Variants in SLC4A10 observed in about 807,000 individuals in gnomAD.
SLC4A10 encodes solute carrier family 4 member 10.
A neutral mutation model predicts 137.7 loss-of-function variants in SLC4A10; 42 were observed. That is an observed-to-expected ratio of 0.30 (90% CI 0.24 to 0.39). SLC4A10 has a LOEUF of 0.39. Ranked by LOEUF, SLC4A10 falls within the 10% of genes least tolerant of loss-of-function variation. The pLI is 1.00. For synonymous variants in SLC4A10, 474 were observed against 464.1 expected (o/e 1.02, Z -0.27); for missense variants, 925 against 1,355.0 (o/e 0.68, Z 4.98).
chr2:161,837,941 A>G (rs1196356982), intron 3 of SLC4A10, among the ~76,000 whole-genome samples: 1 of 152,214 alleles, frequency 6.6e-6, no homozygotes, highest in Non-Finnish European at 1.5e-5. Flanking sequence ...ACAAGGAGAA[A>G]ACAGCAGTTT....
intron 2 of SLC4A10, among the ~76,000 whole-genome samples, chr2:161,771,932 T>G (rs1444188020): frequency 1.3e-5 from 2 of 151,746 alleles, no homozygotes; most frequent in Admixed American, 6.6e-5. Flanking sequence ...AGTTGAGAGG[T>G]AAGGGTTTTT....
Position 161,976,771 on chromosome 2 carries a change from C to G in SLC4A10, c.3239C>G (p.Ser1080Cys), listed in dbSNP as rs1699444658. 1.3e-6 allele frequency: 2 copies of G among 1,574,780 alleles called. No homozygotes were observed. Among genetic ancestry groups the G allele is most frequent in the Non-Finnish European group, 1.7e-6 (2 of 1,157,546 alleles). The change falls in exon 25 of 27, where the codon TCT becomes TGT. Residue 1080 changes from serine (S) to cysteine (C), a missense_variant. Ser to Cys is a moderately radical substitution (Grantham distance 112). Transcript: ENST00000446997. ...PLEGHYRDDP[S>C]VINISDEMSK... ...AAACTCCTGTCTAGAGATGATCCAT[C>G]TGTGATCAATATATCTGATGAAATG...
chr2:161,798,268 C>A (rs964769797), intron 2 of SLC4A10, among the ~76,000 whole-genome samples: 1 of 151,932 alleles, frequency 6.6e-6, no homozygotes, highest in Non-Finnish European at 1.5e-5. Flanking sequence ...ATGATTGACA[C>A]ATCTAAATTT....
intron 3 of SLC4A10, among the ~76,000 whole-genome samples, chr2:161,830,097 C>A (rs973936174): frequency 6.7e-6 from 1 of 149,430 alleles, no homozygotes; most frequent in Non-Finnish European, 1.5e-5. Flanking sequence ...TAAAAATTGA[C>A]ATAAGTGTGC....
chr2:161,960,898 A>C (rs1462621575), intron 21 of SLC4A10, among the ~76,000 whole-genome samples: 2 of 152,152 alleles, frequency 1.3e-5, no homozygotes, highest in East Asian at 3.9e-4. Context: ...CAAGTGTGGA[A>C]GAATATATTT....
At chr2:161,863,545 C>A (rs534599130) in intron 6 of SLC4A10, among the ~76,000 whole-genome samples, 9 of 152,276 alleles carry the variant, frequency 5.9e-5, no homozygotes, top group Non-Finnish European at 1.0e-4. Context: ...AAAAGACCAG[C>A]CAGTGCATTG....
At chr2:161,865,549 C>G (rs866688678) in intron 6 of SLC4A10, among the ~76,000 whole-genome samples, 2 of 152,016 alleles carry the variant, frequency 1.3e-5, no homozygotes, top group African/African-American at 4.8e-5. Flanking sequence ...AGTATGCTGT[C>G]AGAAGTGGTT....
intron 3 of SLC4A10, among the ~76,000 whole-genome samples, chr2:161,838,070 G>T (rs965178545): frequency 6.6e-6 from 1 of 152,086 alleles, no homozygotes; most frequent in Non-Finnish European, 1.5e-5. Context: ...TCAATCTATG[G>T]TACTTTGTTA....
At chr2:161,926,061 A>G (rs577883551) in intron 15 of SLC4A10, among the ~76,000 whole-genome samples, 113 of 152,108 alleles carry the variant, frequency 7.4e-4, no homozygotes, top group African/African-American at 2.6e-3. Flanking sequence ...GTAGATGTCT[A>G]TTAGGTCCGC....
At chr2:161,789,147 G>A (rs2053945800) in intron 2 of SLC4A10, among the ~76,000 whole-genome samples, 1 of 152,216 alleles carries the variant, frequency 6.6e-6, no homozygotes, top group Admixed American at 6.5e-5. Flanking sequence ...TGAGGGGAGT[G>A]TGGGCACACC....
At chr2:161,809,076 A>G (rs1281650468) in intron 3 of SLC4A10, among the ~76,000 whole-genome samples, 1 of 151,988 alleles carries the variant, frequency 6.6e-6, no homozygotes, top group Non-Finnish European at 1.5e-5. Flanking sequence ...GTCAGCATCT[A>G]TTATTTTTTG....
intron 11 of SLC4A10, among the ~76,000 whole-genome samples, chr2:161,895,878 A>G (rs2105236860): frequency 6.6e-6 from 1 of 151,850 alleles, no homozygotes; most frequent in East Asian, 1.9e-4. Flanking sequence ...GTTCACTCTG[A>G]TGGTAGTTTC....
chr2:161,732,959 C>A (rs2046963811), intron 1 of SLC4A10, among the ~76,000 whole-genome samples: 1 of 152,068 alleles, frequency 6.6e-6, no homozygotes, highest in Admixed American at 6.6e-5. Flanking sequence ...TTTAGGGTAC[C>A]TGGTGGAATA....
intron 1 of SLC4A10, among the ~76,000 whole-genome samples, chr2:161,701,961 C>A (rs2043166977): frequency 6.6e-6 from 1 of 151,824 alleles, no homozygotes; most frequent in Admixed American, 6.6e-5. Context: ...AGTAGAAATA[C>A]AAAGTAGTAC....
intron 17 of SLC4A10, among the ~76,000 whole-genome samples, chr2:161,948,615 T>C (rs916654398): frequency 6.6e-6 from 1 of 152,150 alleles, no homozygotes; most frequent in African/African-American, 2.4e-5. Flanking sequence ...GCTTTAAAAA[T>C]TGGCTCACAT....
At chr2:161,671,648 A>G (rs901716534) in intron 1 of SLC4A10, among the ~76,000 whole-genome samples, 13 of 152,202 alleles carry the variant, frequency 8.5e-5, no homozygotes, top group African/African-American at 2.7e-4. Flanking sequence ...CAAAAAGCCT[A>G]TGTGACAAGC....
intron 15 of SLC4A10, among the ~76,000 whole-genome samples, chr2:161,908,472 A>G (rs1351167290): frequency 6.7e-6 from 1 of 149,562 alleles, no homozygotes; most frequent in Non-Finnish European, 1.5e-5. Flanking sequence ...GCATTAGGAG[A>G]TATACCTAAT....
chr2:161,917,232 A>G (rs1443091261), intron 15 of SLC4A10, among the ~76,000 whole-genome samples: 4 of 152,146 alleles, frequency 2.6e-5, no homozygotes, highest in East Asian at 1.9e-4. Context: ...GTGTTCTACT[A>G]TATGGATGTT....
Position 161,825,986 on chromosome 2 carries a change from T to A in SLC4A10, c.278-13803T>A, listed in dbSNP as rs185271153. The stretch of plus-strand genomic sequence containing the variant: ...ATAAATATCTGTTCTTGGTGCTTCA[T>A]CTGAAACATTCATTTTACCAATCTA... On this transcript the variant is annotated intron_variant, in intron 3 of 26. Coordinates refer to ENST00000446997, the MANE Select transcript of SLC4A10 (RefSeq NM_001178015.2). 7.2e-5 allele frequency among the ~76,000 whole-genome samples: 11 copies of A among 152,352 alleles called. No homozygotes were observed. The East Asian group carries it at 2.1e-3, about 29-fold the overall frequency.
Sources: allele counts gnomAD v4.1 joint callset (sites outside exome capture counted in the v4.1 genomes callset), GRCh38; gene constraint gnomAD v4.1.1; transcripts MANE v1.5; gene names NCBI Gene and HGNC (gene_info 2026-07-23, HGNC 2026-07-21).